ZBTB41: variants seen among roughly 807,000 people sequenced by gnomAD.
ZBTB41 encodes the protein zinc finger and BTB domain-containing protein 41.
ZBTB41 carries 42 observed loss-of-function variants against 87.6 expected under a neutral mutation model. That is an observed-to-expected ratio of 0.48 (90% CI 0.37 to 0.62). The LOEUF (loss-of-function observed/expected upper bound fraction) is 0.62, where lower values mean the gene tolerates loss of function less well. ZBTB41 is among the 20% of genes least tolerant of loss of function. The pLI is 0.00. For missense variants in ZBTB41, 799 were observed against 1,078.9 expected, an observed-to-expected ratio of 0.74 and a Z score of 3.63; for synonymous variants, 364 against 364.0, an observed-to-expected ratio of 1.00 and a Z score of 0.00.
chr1:197,188,220 T>C (rs1659932892), intron 5 of ZBTB41, 72 bp downstream of exon 5: 10 of 1,540,274 alleles, frequency 6.5e-6, no homozygotes, highest in South Asian at 2.4e-5. Flanking sequence ...AATTCAGCTA[T>C]AGAAGGCTCC....
At chr1:197,167,953 A>G (rs1659390238) in intron 10 of ZBTB41, among the ~76,000 whole-genome samples, 1 of 152,132 alleles carries the variant, frequency 6.6e-6, no homozygotes, top group Admixed American at 6.5e-5. Flanking sequence ...TGTGTTATAA[A>G]GACTAAAAAG....
Position 197,154,465 on chromosome 1 carries a change from T to C in ZBTB41, c.*4894A>G, listed in dbSNP as rs1659020866. 6.6e-6 allele frequency: 1 copy of C among 152,142 alleles called. No individual in the cohort carries two copies. The highest frequency in any genetic ancestry group is 2.1e-4 in the South Asian group (1 of 4,832). The allele number at this position is 152,142 out of a possible 1,614,324, so 9.4% of individuals were successfully genotyped here. On this transcript the variant is annotated 3_prime_UTR_variant, in exon 11 of 11. Transcript: ENST00000367405. ...TCTCAAGATCATAGATTTATGATCA[T>C]ACACAGCAAGTTGAAACATGAGTAA... is the stretch of plus-strand genomic sequence containing the variant.
chr1:197,159,778 A>G lies in ZBTB41; in HGVS notation c.2311T>C (p.Ser771Pro). ...EKLVSLPVEY[S>P]SDDKIFQTET... ...GTTTGAAAGATTTTGTCATCAGATGAGTACTCAACTGGCAAGGATACAAGT... is the reference window on the plus strand; with the variant it reads ...GTTTGAAAGATTTTGTCATCAGATGGGTACTCAACTGGCAAGGATACAAGT... Residue 771 changes from serine to proline, a missense_variant, in exon 11 of 11, where the codon TCA becomes CCA. By Grantham distance (74) the Ser-to-Pro change is moderately conservative. This residue lies in a region of ZBTB41 where 171 missense variants were observed against 191.9 expected (regional missense o/e 0.89). Transcript: ENST00000367405. 6.2e-7 allele frequency: 1 copy of G among 1,614,022 alleles called. No individual in the cohort carries two copies. The highest frequency in any genetic ancestry group is 1.7e-5 in the Admixed American group (1 of 60,008).
intron 9 of ZBTB41, among the ~76,000 whole-genome samples, 162 bp from the exon 10 acceptor site, chr1:197,172,410 A>G (rs1298052741): frequency 3.3e-5 from 5 of 151,852 alleles, no homozygotes; most frequent in Admixed American, 3.3e-4. Flanking sequence ...ATAGAACTCC[A>G]AAGAAACATG....
chr1:197,183,008 A>G (rs1202050072), intron 5 of ZBTB41, among the ~76,000 whole-genome samples: 3 of 152,142 alleles, frequency 2.0e-5, no homozygotes, highest in Non-Finnish European at 4.4e-5. Context: ...AATGCAAAAG[A>G]AGCTCTCTCT....
At chr1:197,194,618 G>GAAAA (rs71131750) in intron 2 of ZBTB41, among the ~76,000 whole-genome samples, 126 of 135,146 alleles carry the variant, frequency 9.3e-4, no homozygotes, top group African/African-American at 1.9e-3. Flanking sequence ...ATTTAAGCAA[G>GAAAA]AAAAAAAAAA....
At position 197,160,863 on chromosome 1, in the gene ZBTB41, T is replaced by C. The variant is rs372449263; in HGVS notation, c.2075-849A>G. ...ATCTAATCATAGGCGTCGTAGAAGA[T>C]GGCCAATAACTGAGGAAGAATGGGT... On this transcript the variant is annotated intron_variant, in intron 10 of 10. Coordinates refer to ENST00000367405, the MANE Select transcript of ZBTB41 (RefSeq NM_194314.3). Among the ~76,000 whole-genome samples the C allele has an allele frequency of 2.6e-5, 4 of 152,252 alleles. No individual in the cohort carries two copies. The East Asian group carries it at 7.7e-4, about 29-fold the overall frequency.
intron 5 of ZBTB41, 22 bp downstream of exon 5, chr1:197,188,270 T>TA: frequency 6.2e-7 from 1 of 1,610,908 alleles, no homozygotes; most frequent in East Asian, 2.2e-5. Context: ...ATGACTGCCT[T>TA]AAGAAAAAGT....
intron 10 of ZBTB41, among the ~76,000 whole-genome samples, chr1:197,161,602 A>C (rs1040650879): frequency 8.2e-5 from 4 of 49,060 alleles, no homozygotes; most frequent in Non-Finnish European, 2.2e-4. Flanking sequence ...TTAGAGAGGC[A>C]GTGAGACATG....
At chr1:197,184,204 T>C (rs1207854551) in intron 5 of ZBTB41, among the ~76,000 whole-genome samples, 1 of 152,202 alleles carries the variant, frequency 6.6e-6, no homozygotes, top group Non-Finnish European at 1.5e-5. Context: ...GTTTGGTAAC[T>C]ATAAAAACTG....
chr1:197,161,290 G>A (rs952584573), intron 10 of ZBTB41, among the ~76,000 whole-genome samples: 1 of 151,878 alleles, frequency 6.6e-6, no homozygotes, highest in Non-Finnish European at 1.5e-5. Flanking sequence ...AGACACAAAG[G>A]CATTATTTTA....
Position 197,181,075 on chromosome 1 carries a change from G to A in ZBTB41, c.1589C>T (p.Thr530Ile), listed in dbSNP as rs764613669. 1.2e-6 allele frequency: 2 copies of A among 1,603,826 alleles called. No individual in the cohort carries two copies. The highest frequency in any genetic ancestry group is 1.7e-5 in the Admixed American group (1 of 57,790). The stretch of plus-strand genomic sequence containing the variant: ...TTCTATATGACGTTTCAAATTTCCA[G>A]TGTCGTTAAACTGGCGACCACATAT... ...CDICGRQFND[T>I]GNLKRHIECT... Residue 530 changes from threonine (T) to isoleucine (I), a missense_variant, in exon 6 of 11, where the codon ACT becomes ATT. By Grantham distance (89) the Thr-to-Ile change is moderately conservative (BLOSUM62 -1). Around this residue, in one of 5 missense-constraint regions of ZBTB41, gnomAD observed 198 missense variants for 358.4 expected, o/e 0.55. Coordinates refer to ENST00000367405, the MANE Select transcript of ZBTB41 (RefSeq NM_194314.3).
rs1659137695 is a variant in ZBTB41 at position 197,159,168 on chromosome 1, A to G, written c.*191T>C. On this transcript the variant is annotated 3_prime_UTR_variant, in exon 11 of 11. Coordinates refer to ENST00000367405, the MANE Select transcript of ZBTB41 (RefSeq NM_194314.3). ...AATCACAAAAATGTGCACTTCAAAT[A>G]TTATGCCAGAAATTTTGTCCAAATA... 1 of 566,734 alleles carries G rather than the reference A, an allele frequency of 1.8e-6. No homozygotes were observed. Among genetic ancestry groups the G allele is most frequent in the East Asian group, 2.9e-5 (1 of 34,464 alleles). The allele number at this position is 566,734 out of a possible 1,614,324, so 35.1% of individuals were successfully genotyped here. A position where few individuals can be genotyped will look rare whatever the true frequency, so the allele number is the denominator to read the frequency against.
chr1:197,188,040 G>A (rs542364493), intron 5 of ZBTB41, among the ~76,000 whole-genome samples: 106 of 152,270 alleles, frequency 7.0e-4, no homozygotes, highest in Non-Finnish European at 1.3e-3. Flanking sequence ...ATGTACCAAC[G>A]TAGGTTCTTC....
chr1:197,168,493 C>T (rs890702755), intron 10 of ZBTB41, among the ~76,000 whole-genome samples: 3 of 152,136 alleles, frequency 2.0e-5, no homozygotes, highest in South Asian at 2.1e-4. Flanking sequence ...TAATTTACAA[C>T]AATATGCCAA....
At chr1:197,172,117 C>T in intron 10 of ZBTB41, 43 bp downstream of exon 10, 1 of 771,098 alleles carries the variant, frequency 1.3e-6, no homozygotes, top group East Asian at 3.4e-5. Flanking sequence ...ATATATATCT[C>T]TCTCTATATA....
chr1:197,190,846 G>T lies in ZBTB41; in HGVS notation c.1329-15C>A, dbSNP rs1660007841. On this transcript the variant is annotated splice_polypyrimidine_tract_variant and intron_variant, in intron 3 of 10. Transcript: ENST00000367405. ...CAGGATGAAATCTATCAGAGGAAAAGAAAAAGATTATTAGGAAAAGGTTAT... is the reference window on the plus strand; with the variant it reads ...CAGGATGAAATCTATCAGAGGAAAATAAAAAGATTATTAGGAAAAGGTTAT... The T allele has an allele frequency of 6.6e-7, 1 of 1,510,904 alleles. No homozygotes were observed. Among genetic ancestry groups the T allele is most frequent in the Non-Finnish European group, 9.1e-7 (1 of 1,101,962 alleles). The allele number at this position is 1,510,904 out of a possible 1,614,324, so 93.6% of individuals were successfully genotyped here. A position where few individuals can be genotyped will look rare whatever the true frequency, so the allele number is the denominator to read the frequency against.
At chr1:197,173,574 T>G (rs1209942261) in intron 9 of ZBTB41, among the ~76,000 whole-genome samples, 1 of 152,032 alleles carries the variant, frequency 6.6e-6, no homozygotes, top group African/African-American at 2.4e-5. Context: ...CCAGATAATT[T>G]ATTTTCTTTT....
At chr1:197,194,208 G>C (rs1331663036) in intron 2 of ZBTB41, among the ~76,000 whole-genome samples, 1 of 151,830 alleles carries the variant, frequency 6.6e-6, no homozygotes, top group Non-Finnish European at 1.5e-5. Flanking sequence ...TAGTAGACAC[G>C]GGTTTCATCA....
Sources: gnomAD v4.1 joint callset for allele counts (sites outside exome capture counted in the v4.1 genomes callset) on GRCh38, gnomAD v4.1.1 for gene constraint, gnomAD v4.1.1 regional missense constraint, MANE v1.5 for transcripts, NCBI Gene and HGNC (gene_info 2026-07-23, HGNC 2026-07-21) for gene names.